The following DLC1 variants were observed in gnomAD, a reference collection of about 807,000 sequenced individuals.
DLC1 encodes rho GTPase-activating protein 7.
In DLC1, 54 loss-of-function variants were observed where a neutral mutation model predicts 140.3. The observed-to-expected ratio is 0.38, with a 90% CI of 0.31 to 0.48. The LOEUF (loss-of-function observed/expected upper bound fraction) is 0.48, where lower values mean the gene tolerates loss of function less well. Ranked by LOEUF, DLC1 falls within the 20% of genes least tolerant of loss-of-function variation. The pLI is 0.96. For missense variants in DLC1, 2,536 were observed against 1,907.0 expected (o/e 1.33, Z -6.14); for synonymous variants, 986 against 728.1 (o/e 1.35, Z -5.70).
chr8:13,415,345 A>G (rs1308374591), intron 2 of DLC1, among the ~76,000 whole-genome samples: 1 of 152,014 alleles, frequency 6.6e-6, no homozygotes, highest in Non-Finnish European at 1.5e-5. Flanking sequence ...ATATAAGGAT[A>G]TGTTTAATTT....
chr8:13,271,587 C>T (rs960355105), intron 5 of DLC1, among the ~76,000 whole-genome samples: 4 of 152,364 alleles, frequency 2.6e-5, no homozygotes, highest in Middle Eastern at 3.4e-3. Context: ...TATTTTATGT[C>T]TGTTGACTCT....
intron 5 of DLC1, chr8:13,276,961 T>C (rs1831197419): frequency 1.3e-5 from 2 of 152,256 alleles, no homozygotes; most frequent in African/African-American, 4.8e-5. Context: ...CCTTTAGTTG[T>C]GGTTGTGGGA....
rs139834171 is a variant in DLC1, at chr8:13,456,972, A to C, written c.1023+42077T>G. On this transcript the variant is annotated intron_variant, in intron 2 of 17. Coordinates refer to ENST00000276297, the MANE Select transcript of DLC1 (RefSeq NM_182643.3). Reference sequence around the variant, plus strand: ...GCCCTCTTATTTTGTAGTTGTCATCACTGGAAACGTCCAGTTGTAGAACAC... The same window carrying C: ...GCCCTCTTATTTTGTAGTTGTCATCCCTGGAAACGTCCAGTTGTAGAACAC... 3.2e-3 allele frequency among the ~76,000 whole-genome samples: 490 copies of C among 152,336 alleles called. 2 individuals are homozygous for C. The highest frequency in any genetic ancestry group is 0.012 in the African/African-American group (481 of 41,574).
chr8:13,162,071 T>C (rs904368217), intron 5 of DLC1, among the ~76,000 whole-genome samples: 2 of 152,232 alleles, frequency 1.3e-5, no homozygotes, highest in Non-Finnish European at 2.9e-5. Flanking sequence ...TGAAAGTTTT[T>C]GACTTTCATA....
chr8:13,428,863 T>C (rs977377876), intron 2 of DLC1, among the ~76,000 whole-genome samples: 1 of 152,214 alleles, frequency 6.6e-6, no homozygotes. Flanking sequence ...AGAGTATTTA[T>C]ACAGTAACCC....
At chr8:13,474,156 G>A (rs1800335683) in intron 2 of DLC1, among the ~76,000 whole-genome samples, 1 of 152,178 alleles carries the variant, frequency 6.6e-6, no homozygotes, top group Non-Finnish European at 1.5e-5. Flanking sequence ...TCCTCATGCT[G>A]TGTGCAGTCT....
chr8:13,538,040 G>A (rs1803352057), intron 1 of DLC1, among the ~76,000 whole-genome samples: 1 of 152,126 alleles, frequency 6.6e-6, no homozygotes, highest in Admixed American at 6.5e-5. Context: ...ACCTCACAAA[G>A]TCTCACTGAA....
At chr8:13,118,414 T>TA (rs947621186) in intron 5 of DLC1, among the ~76,000 whole-genome samples, 14 of 151,076 alleles carry the variant, frequency 9.3e-5, no homozygotes, top group African/African-American at 2.2e-4. Flanking sequence ...TTCTTCACCC[T>TA]AAAAAAAAAT....
chr8:13,510,940 C>A (rs1356405977), intron 1 of DLC1, among the ~76,000 whole-genome samples: 2 of 152,154 alleles, frequency 1.3e-5, no homozygotes, highest in East Asian at 3.8e-4. Context: ...AGAAGTCCAA[C>A]TCCCACACAT....
At chr8:13,520,434 G>A (rs565129398) in intron 1 of DLC1, among the ~76,000 whole-genome samples, 10 of 152,114 alleles carry the variant, frequency 6.6e-5, no homozygotes, top group South Asian at 6.2e-4. Flanking sequence ...GGGAACTCAC[G>A]GACACAGGGA....
At position 13,102,895 on chromosome 8, in the gene DLC1, C is replaced by G; in HGVS notation, c.1503-42G>C. 2.6e-6 allele frequency: 4 copies of G among 1,559,990 alleles called. No individual in the cohort carries two copies. In the South Asian group the frequency reaches 3.4e-5, roughly 13 times the overall value. ...TAACGTTAGCAAAGATAGGCAACCACTCTCTAATGAGTGGATAAACACCTG... is the reference window on the plus strand; with the variant it reads ...TAACGTTAGCAAAGATAGGCAACCAGTCTCTAATGAGTGGATAAACACCTG... On this transcript the variant is annotated intron_variant, in intron 7 of 17. Coordinates refer to ENST00000276297, the MANE Select transcript of DLC1 (RefSeq NM_182643.3).
At chr8:13,149,691 G>C (rs1051250043) in intron 5 of DLC1, among the ~76,000 whole-genome samples, 2 of 152,158 alleles carry the variant, frequency 1.3e-5, no homozygotes, top group African/African-American at 4.8e-5. Context: ...AAGGCAAAGA[G>C]AACCTGTGTA....
At chr8:13,157,528 A>G (rs1164000971) in intron 5 of DLC1, among the ~76,000 whole-genome samples, 1 of 152,214 alleles carries the variant, frequency 6.6e-6, no homozygotes, top group Non-Finnish European at 1.5e-5. Flanking sequence ...GGTAATCACC[A>G]CACACCTACT....
At chr8:13,478,152 T>C (rs968927266) in intron 2 of DLC1, among the ~76,000 whole-genome samples, 9 of 152,122 alleles carry the variant, frequency 5.9e-5, no homozygotes, top group Admixed American at 1.3e-4. Flanking sequence ...ACAGGAAGCA[T>C]GGTATAGGCA....
At chr8:13,470,657 G>A (rs1451112304) in intron 2 of DLC1, among the ~76,000 whole-genome samples, 1 of 152,170 alleles carries the variant, frequency 6.6e-6, no homozygotes, top group East Asian at 1.9e-4. Flanking sequence ...TGGTGGGAAT[G>A]CAAATTAGTA....
At chr8:13,169,623 C>T (rs550238628) in intron 5 of DLC1, among the ~76,000 whole-genome samples, 1 of 152,286 alleles carries the variant, frequency 6.6e-6, no homozygotes, top group African/African-American at 2.4e-5. Context: ...TTTGGAAACT[C>T]AGTTTTCCCA....
intron 1 of DLC1, among the ~76,000 whole-genome samples, chr8:13,512,781 A>G (rs1392950817): frequency 6.6e-6 from 1 of 152,100 alleles, no homozygotes; most frequent in Admixed American, 6.6e-5. Context: ...TTAAAGAAAC[A>G]TCAGATTAAA....
intron 1 of DLC1, among the ~76,000 whole-genome samples, chr8:13,526,507 A>G (rs926945142): frequency 5.3e-5 from 8 of 152,068 alleles, no homozygotes; most frequent in Non-Finnish European, 1.2e-4. Context: ...CTGTAAGAAT[A>G]TTGTATATTC....
intron 5 of DLC1, among the ~76,000 whole-genome samples, chr8:13,246,806 C>T (rs1018026462): frequency 2.6e-5 from 4 of 152,080 alleles, no homozygotes; most frequent in African/African-American, 7.2e-5. Flanking sequence ...CAGGATCTAG[C>T]AGAGGATCTG....
Sources: gnomAD v4.1 joint callset for allele counts (sites outside exome capture counted in the v4.1 genomes callset) on GRCh38, gnomAD v4.1.1 for gene constraint, MANE v1.5 for transcripts, NCBI Gene and HGNC (gene_info 2026-07-23, HGNC 2026-07-21) for gene names.